Variants in FUT9 observed in about 807,000 individuals in gnomAD.
FUT9 encodes the protein 4-galactosyl-N-acetylglucosaminide 3-alpha-L-fucosyltransferase 9.
A neutral mutation model predicts 29.7 loss-of-function variants in FUT9; 15 were observed. The ratio of observed to expected loss-of-function variants is 0.51; its 90% CI spans 0.34 to 0.78. The LOEUF (loss-of-function observed/expected upper bound fraction) is 0.78, where lower values mean the gene tolerates loss of function less well. Ranked by LOEUF, FUT9 falls within the 30% of genes least tolerant of loss-of-function variation. The pLI, the probability that FUT9 is intolerant of heterozygous loss-of-function variation, is 0.01. For missense variants in FUT9, 319 were observed against 425.4 expected, an observed-to-expected ratio of 0.75 and a Z score of 2.20; for synonymous variants, 169 against 153.7, an observed-to-expected ratio of 1.10 and a Z score of -0.74.
At chr6:96,064,165 T>C (rs1327644001) in intron 1 of FUT9, among the ~76,000 whole-genome samples, 1 of 152,154 alleles carries the variant, frequency 6.6e-6, no homozygotes, top group Non-Finnish European at 1.5e-5. Context: ...ATAAGTTGCT[T>C]GTTCACACTG....
At chr6:96,131,038 T>C (rs1218525259) in intron 2 of FUT9, among the ~76,000 whole-genome samples, 1 of 152,154 alleles carries the variant, frequency 6.6e-6, no homozygotes, top group Admixed American at 6.6e-5. Context: ...TGACACAAGA[T>C]GGTGTGTATT....
intron 1 of FUT9, among the ~76,000 whole-genome samples, chr6:96,092,657 A>C (rs1771430308): frequency 6.6e-6 from 1 of 152,126 alleles, no homozygotes; most frequent in African/African-American, 2.4e-5. Flanking sequence ...CTCTTTCTGG[A>C]GTATTTTAGC....
intron 2 of FUT9, among the ~76,000 whole-genome samples, chr6:96,127,836 G>A (rs1483659530): frequency 1.3e-5 from 2 of 152,060 alleles, no homozygotes; most frequent in African/African-American, 2.4e-5. Context: ...CTTTTGAAAA[G>A]TCTATGTTCA....
intron 2 of FUT9, among the ~76,000 whole-genome samples, chr6:96,159,148 AG>A (rs1772847726): frequency 6.6e-6 from 1 of 152,098 alleles, no homozygotes; most frequent in African/African-American, 2.4e-5. Flanking sequence ...GAAAATAAAG[AG>A]CTACAGAAAT....
chr6:96,130,355 T>C (rs1044951718), intron 2 of FUT9, among the ~76,000 whole-genome samples: 1 of 152,188 alleles, frequency 6.6e-6, no homozygotes, highest in African/African-American at 2.4e-5. Flanking sequence ...AAATGTAACC[T>C]GGTGTGAATG....
intron 1 of FUT9, among the ~76,000 whole-genome samples, chr6:96,067,767 G>T (rs1004690650): frequency 1.3e-5 from 2 of 152,104 alleles, no homozygotes; most frequent in East Asian, 1.9e-4. Context: ...AACCAACTTC[G>T]TGTGGAGACT....
chr6:96,132,144 T>C (rs1050300122), intron 2 of FUT9, among the ~76,000 whole-genome samples: 1 of 152,092 alleles, frequency 6.6e-6, no homozygotes, highest in Non-Finnish European at 1.5e-5. Flanking sequence ...TCACTAGATA[T>C]TGGAACAAAA....
intron 1 of FUT9, among the ~76,000 whole-genome samples, chr6:96,094,445 A>G (rs1385488337): frequency 6.6e-6 from 1 of 152,176 alleles, no homozygotes; most frequent in Non-Finnish European, 1.5e-5. Context: ...TGAAAAAGTG[A>G]AAGTTCTGTA....
intron 2 of FUT9, among the ~76,000 whole-genome samples, chr6:96,149,131 G>A (rs1012053856): frequency 2.7e-5 from 4 of 150,212 alleles, no homozygotes; most frequent in Non-Finnish European, 4.4e-5. Context: ...CCACTGTACC[G>A]CAGCCTGGGC....
chr6:96,034,202 AG>A, intron 1 of FUT9, among the ~76,000 whole-genome samples: 1 of 151,748 alleles, frequency 6.6e-6, no homozygotes, highest in East Asian at 1.9e-4. Flanking sequence ...AAGCAGGCAC[AG>A]AAGCAGAGGC....
intron 1 of FUT9, among the ~76,000 whole-genome samples, chr6:96,017,021 A>G (rs1769992752): frequency 6.6e-6 from 1 of 152,160 alleles, no homozygotes; most frequent in Non-Finnish European, 1.5e-5. Context: ...CACCTATTTT[A>G]CCTGTTCCTG....
In FUT9 at chr6:96,212,634, G is replaced by C. The variant is rs1430245087; in HGVS notation, c.*8399G>C. 3.4e-6 allele frequency: 1 copy of C among 298,236 alleles called. No homozygotes were observed. The highest frequency in any genetic ancestry group is 2.2e-5 in the African/African-American group (1 of 46,064). The allele number at this position is 298,236 out of a possible 1,614,324, so 18.5% of individuals were successfully genotyped here. A position where few individuals can be genotyped will look rare whatever the true frequency, so the allele number is the denominator to read the frequency against. ...TCCCTAAAAGGTAAATAATGTATGAGATGAAGGTAGGAAGTAATGTGTGCT... is the reference window on the plus strand; with the variant it reads ...TCCCTAAAAGGTAAATAATGTATGACATGAAGGTAGGAAGTAATGTGTGCT... On this transcript the variant is annotated 3_prime_UTR_variant, in exon 3 of 3. Coordinates refer to ENST00000302103, the MANE Select transcript of FUT9 (RefSeq NM_006581.4).
At chr6:96,068,548 G>A (rs1037488524) in intron 1 of FUT9, among the ~76,000 whole-genome samples, 2 of 148,404 alleles carry the variant, frequency 1.3e-5, no homozygotes, top group African/African-American at 2.5e-5. Context: ...GACATCATTG[G>A]TGACATAGCA....
intron 2 of FUT9, among the ~76,000 whole-genome samples, chr6:96,134,500 ACT>A (rs1483594338): frequency 6.6e-6 from 1 of 151,448 alleles, no homozygotes; most frequent in Non-Finnish European, 1.5e-5. Context: ...GTTTTATAAA[ACT>A]CTCTGTGTCC....
chr6:96,145,979 A>C (rs980970864), intron 2 of FUT9, among the ~76,000 whole-genome samples: 1 of 151,634 alleles, frequency 6.6e-6, no homozygotes, highest in Non-Finnish European at 1.5e-5. Context: ...CAGCTTCCCA[A>C]GTATCTGGGA....
At chr6:96,017,939 A>G (rs553691841) in intron 1 of FUT9, among the ~76,000 whole-genome samples, 5 of 152,248 alleles carry the variant, frequency 3.3e-5, no homozygotes, top group East Asian at 1.9e-4. Context: ...ACCTTCTCCA[A>G]TGTCAGGAAT....
At chr6:96,070,814 G>T (rs879540957) in intron 1 of FUT9, among the ~76,000 whole-genome samples, 1 of 152,124 alleles carries the variant, frequency 6.6e-6, no homozygotes, top group Non-Finnish European at 1.5e-5. Flanking sequence ...GAATGTATAT[G>T]TATATGTATA....
intron 2 of FUT9, among the ~76,000 whole-genome samples, chr6:96,127,953 A>G (rs1412200485): frequency 6.6e-6 from 1 of 152,024 alleles, no homozygotes; most frequent in African/African-American, 2.4e-5. Context: ...TACTTTTTAA[A>G]TATTTTTCTC....
chr6:96,103,329 T>G (rs1217481985), intron 1 of FUT9, among the ~76,000 whole-genome samples: 1 of 152,142 alleles, frequency 6.6e-6, no homozygotes, highest in African/African-American at 2.4e-5. Flanking sequence ...TATTCTGCCT[T>G]CTTTATATTC....
Sources: allele counts gnomAD v4.1 joint callset (sites outside exome capture counted in the v4.1 genomes callset), GRCh38; gene constraint gnomAD v4.1.1; transcripts MANE v1.5; gene names NCBI Gene and HGNC (gene_info 2026-07-23, HGNC 2026-07-21).